Variants in GRIK1 observed in about 807,000 individuals in gnomAD.
GRIK1 encodes the protein glutamate ionotropic receptor kainate type subunit 1, also known as glutamate receptor ionotropic, kainate 1.
A neutral mutation model predicts 105.7 loss-of-function variants in GRIK1; 69 were observed. The observed-to-expected ratio is 0.65, with a 90% CI of 0.54 to 0.80. The LOEUF is 0.80. GRIK1 is among the 30% of genes least tolerant of loss of function. GRIK1 has a pLI of 0.00. For missense variants in GRIK1, 1,109 were observed against 1,167.3 expected, an observed-to-expected ratio of 0.95 and a Z score of 0.73; for synonymous variants, 438 against 431.3, an observed-to-expected ratio of 1.02 and a Z score of -0.19.
At chr21:29,551,001 A>G (rs906282807) in intron 16 of GRIK1, among the ~76,000 whole-genome samples, 9 of 152,238 alleles carry the variant, frequency 5.9e-5, no homozygotes, top group African/African-American at 1.9e-4. Context: ...TGCCAAGCAC[A>G]ATGCAAGATG....
At chr21:29,862,739 TAA>T (rs1271999264) in intron 1 of GRIK1, among the ~76,000 whole-genome samples, 1 of 152,206 alleles carries the variant, frequency 6.6e-6, no homozygotes, top group African/African-American at 2.4e-5. Context: ...TCAGTGAAAC[TAA>T]GTCATATGCT....
intron 14 of GRIK1, among the ~76,000 whole-genome samples, chr21:29,567,730 G>A (rs1193355846): frequency 2.0e-5 from 3 of 152,040 alleles, no homozygotes; most frequent in African/African-American, 2.4e-5. Context: ...TCATACTTGC[G>A]AAATAGGTAC....
intron 10 of GRIK1, among the ~76,000 whole-genome samples, chr21:29,589,650 T>C (rs2061302909): frequency 6.6e-6 from 1 of 151,918 alleles, no homozygotes; most frequent in Admixed American, 6.6e-5. Flanking sequence ...ATGGTCTCGA[T>C]CTCCTGACCT....
intron 14 of GRIK1, among the ~76,000 whole-genome samples, chr21:29,566,362 A>G (rs566619423): frequency 1.2e-4 from 18 of 152,324 alleles, no homozygotes; most frequent in Non-Finnish European, 2.4e-4. Context: ...AGCCTCATTT[A>G]TTAAATCTGA....
chr21:29,846,936 T>C (rs2068142829), intron 1 of GRIK1, among the ~76,000 whole-genome samples: 1 of 152,220 alleles, frequency 6.6e-6, no homozygotes, highest in African/African-American at 2.4e-5. Context: ...CCCATCCTTA[T>C]TCAAATACAC....
chr21:29,690,504 G>A (rs2063565393), intron 2 of GRIK1, among the ~76,000 whole-genome samples: 1 of 152,216 alleles, frequency 6.6e-6, no homozygotes, highest in African/African-American at 2.4e-5. Flanking sequence ...TACTGCTAAA[G>A]AATGTTCATA....
intron 1 of GRIK1, among the ~76,000 whole-genome samples, chr21:29,913,340 CAT>C (rs907396486): frequency 2.0e-5 from 3 of 152,066 alleles, no homozygotes; most frequent in Non-Finnish European, 4.4e-5. Context: ...GCACTTGACA[CAT>C]GTTAAAGCAC....
At chr21:29,715,639 G>A (rs1371862928) in intron 1 of GRIK1, among the ~76,000 whole-genome samples, 1 of 149,960 alleles carries the variant, frequency 6.7e-6, no homozygotes, top group Non-Finnish European at 1.5e-5. Flanking sequence ...TAGGGCCATA[G>A]TCACATCACA....
At chr21:29,606,670 C>T (rs957747649) in intron 7 of GRIK1, among the ~76,000 whole-genome samples, 3 of 39,134 alleles carry the variant, frequency 7.7e-5, no homozygotes, top group Admixed American at 2.5e-4. Flanking sequence ...TTTTTAAAAA[C>T]AAAACAAAAC....
intron 1 of GRIK1, among the ~76,000 whole-genome samples, chr21:29,844,722 T>C (rs1446444237): frequency 3.9e-5 from 6 of 152,238 alleles, no homozygotes; most frequent in African/African-American, 1.4e-4. Context: ...CTTTGCTACT[T>C]TTCTGTTTTG....
rs2071887855 is a variant in GRIK1, at chr21:29,939,306, C to A, written c.118+77G>T. On this transcript the variant is annotated intron_variant, in intron 1 of 17. Transcript: ENST00000327783. ...GCTCCTGCGCCGCCGCGCGCTGCCT[C>A]GCCCGGGACCCGCTACACCCGCGTT... 14 of 860,412 alleles carry A rather than the reference C, an allele frequency of 1.6e-5. No homozygotes were observed. The East Asian group carries it at 3.6e-4, about 22-fold the overall frequency. The allele number at this position is 860,412 out of a possible 1,614,324, so 53.3% of individuals were successfully genotyped here.
chr21:29,930,087 A>T (rs939217464), intron 1 of GRIK1, among the ~76,000 whole-genome samples: 2 of 152,190 alleles, frequency 1.3e-5, no homozygotes, highest in African/African-American at 4.8e-5. Context: ...CATTTAGATG[A>T]TTCACAATCA....
chr21:29,738,018 C>T (rs1178583199), intron 1 of GRIK1, among the ~76,000 whole-genome samples: 1 of 152,206 alleles, frequency 6.6e-6, no homozygotes, highest in African/African-American at 2.4e-5. Context: ...ATCTCCCCCA[C>T]ACTACCAGAG....
chr21:29,855,572 T>C (rs187301785), intron 1 of GRIK1, among the ~76,000 whole-genome samples: 3 of 152,322 alleles, frequency 2.0e-5, no homozygotes, highest in Non-Finnish European at 4.4e-5. Flanking sequence ...TAGCTCATGA[T>C]AAGGTATTTG....
intron 1 of GRIK1, among the ~76,000 whole-genome samples, chr21:29,822,217 G>A (rs2067324959): frequency 6.6e-6 from 1 of 151,996 alleles, no homozygotes; most frequent in Non-Finnish European, 1.5e-5. Context: ...ATAGTGCTAA[G>A]GCAACCATAG....
intron 1 of GRIK1, among the ~76,000 whole-genome samples, chr21:29,912,638 G>A (rs1049264120): frequency 2.0e-5 from 3 of 151,990 alleles, no homozygotes; most frequent in African/African-American, 7.2e-5. Flanking sequence ...TTATTCTAAA[G>A]CCCTGGATAT....
At chr21:29,721,106 T>G (rs2064310201) in intron 1 of GRIK1, among the ~76,000 whole-genome samples, 1 of 151,838 alleles carries the variant, frequency 6.6e-6, no homozygotes, top group Non-Finnish European at 1.5e-5. Context: ...CCCTCTCCCC[T>G]ATGAAGAAGG....
At chr21:29,637,147 A>G (rs2062412689) in intron 7 of GRIK1, among the ~76,000 whole-genome samples, 1 of 152,178 alleles carries the variant, frequency 6.6e-6, no homozygotes, top group Non-Finnish European at 1.5e-5. Context: ...TTATGTTTAA[A>G]TCAGTTTTAA....
rs749497254 is a variant in GRIK1, at chr21:29,587,441, G to T, written c.1718C>A (p.Pro573His). 6 of 1,613,818 alleles carry T rather than the reference G, an allele frequency of 3.7e-6. No individual in the cohort carries two copies. Among genetic ancestry groups the T allele is most frequent in the Non-Finnish European group, 5.1e-6 (6 of 1,179,750 alleles). ...ATACATCCAAATATCTGGAGACAGG[G>T]GGTTGAGGAAGGAGAAAACGCCTGG... ...TNPGVFSFLN[P>H]LSPDIWMYVL... The change falls in exon 12 of 18, where the codon CCC (proline) becomes CAC (histidine). Residue 573 changes from proline (P) to histidine (H), a missense_variant. Transcript: ENST00000327783.
Sources: gnomAD v4.1 joint callset for allele counts (sites outside exome capture counted in the v4.1 genomes callset) on GRCh38, gnomAD v4.1.1 for gene constraint, MANE v1.5 for transcripts, NCBI Gene and HGNC (gene_info 2026-07-23, HGNC 2026-07-21) for gene names.